The following HMBOX1 variants were observed in gnomAD, a reference collection of about 807,000 sequenced individuals.
The protein encoded by HMBOX1 is homeobox containing 1.
A neutral mutation model predicts 54.5 loss-of-function variants in HMBOX1; 14 were observed. The ratio of observed to expected loss-of-function variants is 0.26; its 90% CI spans 0.17 to 0.40. The LOEUF (loss-of-function observed/expected upper bound fraction) is 0.40. HMBOX1 is among the 10% of genes least tolerant of loss of function. The pLI, the probability that HMBOX1 is intolerant of heterozygous loss-of-function variation, is 1.00. For synonymous variants in HMBOX1, 160 were observed against 181.0 expected, an observed-to-expected ratio of 0.88 and a Z score of 0.93; for missense variants, 332 against 514.4, an observed-to-expected ratio of 0.65 and a Z score of 3.43.
At chr8:28,900,737 C>G (rs979746906) in intron 1 of HMBOX1, among the ~76,000 whole-genome samples, 2 of 151,948 alleles carry the variant, frequency 1.3e-5, no homozygotes, top group African/African-American at 2.4e-5. Flanking sequence ...TTATTCCCAC[C>G]TTTTGTCATT....
At chr8:29,041,332 CA>C (rs1804782977) in intron 6 of HMBOX1, among the ~76,000 whole-genome samples, 1 of 152,168 alleles carries the variant, frequency 6.6e-6, no homozygotes, top group African/African-American at 2.4e-5. Context: ...ATCCGTTTTG[CA>C]ATACCTCTTT....
rs1454599165 is a variant in HMBOX1, at chr8:29,051,622, CA to C, written c.*470del. On this transcript the variant is annotated 3_prime_UTR_variant, in exon 10 of 10. Transcript: ENST00000287701. Reference sequence around the variant, plus strand: ...ACCATTTGGGGAGTATCCACAGAGTCAAAGGAACACTAGAATCCCCACCTCA... The same window carrying C: ...ACCATTTGGGGAGTATCCACAGAGTCAAGGAACACTAGAATCCCCACCTCA... The C allele has an allele frequency of 8.5e-6, 6 of 702,822 alleles. No individual in the cohort carries two copies. The East Asian group carries it at 1.6e-4, about 19-fold the overall frequency. 43.5% of individuals were successfully genotyped at this position (702,822 alleles called of 1,614,324 possible).
At chr8:28,927,844 A>G (rs1450325448) in intron 1 of HMBOX1, among the ~76,000 whole-genome samples, 1 of 150,034 alleles carries the variant, frequency 6.7e-6, no homozygotes, top group African/African-American at 2.4e-5. Context: ...AAAAAAAAAA[A>G]AAAAAAAAAA....
At chr8:29,020,056 T>C (rs1397522518) in intron 6 of HMBOX1, among the ~76,000 whole-genome samples, 1 of 152,218 alleles carries the variant, frequency 6.6e-6, no homozygotes, top group Admixed American at 6.5e-5. Context: ...AATCCTTATA[T>C]GCTTGAGTCA....
intron 1 of HMBOX1, among the ~76,000 whole-genome samples, chr8:28,918,538 G>A (rs1410821736): frequency 6.6e-6 from 1 of 152,148 alleles, no homozygotes; most frequent in East Asian, 1.9e-4. Context: ...TATTCAAGGA[G>A]CTGGTCCATT....
chr8:29,018,131 A>G (rs550582314), intron 5 of HMBOX1, among the ~76,000 whole-genome samples: 1 of 152,338 alleles, frequency 6.6e-6, no homozygotes, highest in Non-Finnish European at 1.5e-5. Context: ...AGTCTATGAA[A>G]TAAGTTCATG....
At chr8:28,940,382 C>T (rs1024933160) in intron 1 of HMBOX1, among the ~76,000 whole-genome samples, 8 of 152,208 alleles carry the variant, frequency 5.3e-5, no homozygotes, top group Non-Finnish European at 1.0e-4. Context: ...TTCCCAACCT[C>T]TCTGACAAAG....
In HMBOX1 at chr8:29,052,359, G is replaced by A. The variant is rs1563657927; in HGVS notation, c.*1204G>A. On this transcript the variant is annotated 3_prime_UTR_variant, in exon 10 of 10. Coordinates refer to ENST00000287701, the MANE Select transcript of HMBOX1 (RefSeq NM_001135726.3). ...CTTTACTCTGTCCTTGGAGAGGTGT[G>A]AAAAGCTGTATTGCTACAGGCAATT... The A allele has an allele frequency of 6.6e-6, 1 of 152,170 alleles. No homozygotes were observed. The highest frequency in any genetic ancestry group is 1.5e-5 in the Non-Finnish European group (1 of 68,038). The allele number at this position is 152,170 out of a possible 1,614,324, so 9.4% of individuals were successfully genotyped here.
At chr8:28,932,715 G>GGGTTTGTT (rs1819671275) in intron 1 of HMBOX1, among the ~76,000 whole-genome samples, 1 of 152,140 alleles carries the variant, frequency 6.6e-6, no homozygotes, top group Non-Finnish European at 1.5e-5. Flanking sequence ...TATTTCTTAT[G>GGGTTTGTT]ATTTTGAAGT....
At chr8:29,009,493 A>G (rs2132844488) in intron 5 of HMBOX1, 1 of 943,578 alleles carries the variant, frequency 1.1e-6, no homozygotes, top group Non-Finnish European at 1.3e-6. Flanking sequence ...TGTTTTCTTC[A>G]ACTACATAAC....
At chr8:29,008,249 A>G (rs1264652909) in intron 4 of HMBOX1, among the ~76,000 whole-genome samples, 1 of 152,206 alleles carries the variant, frequency 6.6e-6, no homozygotes, top group African/African-American at 2.4e-5. Context: ...TTTTTGGAAT[A>G]GCTATGAATG....
intron 1 of HMBOX1, among the ~76,000 whole-genome samples, chr8:28,957,619 T>C (rs1824711199): frequency 6.6e-6 from 1 of 152,164 alleles, no homozygotes; most frequent in Admixed American, 6.5e-5. Context: ...TTTATTTATT[T>C]TTACTATTGT....
At chr8:29,008,870 G>A (rs964100898) in intron 4 of HMBOX1, among the ~76,000 whole-genome samples, 7 of 152,128 alleles carry the variant, frequency 4.6e-5, no homozygotes, top group Non-Finnish European at 1.0e-4. Context: ...CTGCCTTGAC[G>A]TTGAAGAGAT....
At chr8:28,949,999 C>T (rs1460924290) in intron 1 of HMBOX1, 1 of 152,132 alleles carries the variant, frequency 6.6e-6, no homozygotes, top group Non-Finnish European at 1.5e-5. Flanking sequence ...TTACTTTCAC[C>T]AATATCATAT....
chr8:28,950,833 CAT>C (rs1823276890), intron 1 of HMBOX1, among the ~76,000 whole-genome samples: 1 of 152,104 alleles, frequency 6.6e-6, no homozygotes, highest in Admixed American at 6.5e-5. Context: ...TTTTAGATGA[CAT>C]ATTTTAGAAT....
chr8:28,905,574 C>G (rs182014521), intron 1 of HMBOX1, among the ~76,000 whole-genome samples: 1 of 152,294 alleles, frequency 6.6e-6, no homozygotes, highest in East Asian at 1.9e-4. Flanking sequence ...CTTCACAAAT[C>G]TTTAGGTATT....
At chr8:28,984,153 G>A (rs750533976) in intron 4 of HMBOX1, among the ~76,000 whole-genome samples, 8 of 152,200 alleles carry the variant, frequency 5.3e-5, no homozygotes, top group African/African-American at 7.2e-5. Flanking sequence ...CCTCATCAGT[G>A]TATATACGCA....
chr8:28,944,031 T>C (rs1821944132), intron 1 of HMBOX1, among the ~76,000 whole-genome samples: 2 of 152,220 alleles, frequency 1.3e-5, no homozygotes, highest in African/African-American at 4.8e-5. Context: ...GGCTTGTTTC[T>C]CTAGCGCTGA....
At chr8:28,912,566 C>A (rs1815658262) in intron 1 of HMBOX1, among the ~76,000 whole-genome samples, 1 of 152,164 alleles carries the variant, frequency 6.6e-6, no homozygotes, top group Admixed American at 6.5e-5. Flanking sequence ...GGACAAATTT[C>A]AGTTTTCTGG....
Sources: gnomAD v4.1 joint callset for allele counts (sites outside exome capture counted in the v4.1 genomes callset) on GRCh38, gnomAD v4.1.1 for gene constraint, MANE v1.5 for transcripts, NCBI Gene and HGNC (gene_info 2026-07-23, HGNC 2026-07-21) for gene names.